Variants in LRRK1 observed in about 807,000 individuals in gnomAD.
The protein encoded by LRRK1 is leucine-rich repeat serine/threonine-protein kinase 1.
In LRRK1, 113 loss-of-function variants were observed where a neutral mutation model predicts 209.1. That is an observed-to-expected ratio of 0.54 (90% CI 0.46 to 0.63). The LOEUF (loss-of-function observed/expected upper bound fraction) is 0.63, where lower values mean the gene tolerates loss of function less well. Ranked by LOEUF, LRRK1 falls within the 30% of genes least tolerant of loss-of-function variation. The pLI is 0.00. For synonymous variants in LRRK1, 1,144 were observed against 1,099.7 expected (o/e 1.04, Z -0.80); for missense variants, 2,284 against 2,632.2 (o/e 0.87, Z 2.89).
In LRRK1 at chr15:100,956,528, C is replaced by T. The variant is rs766678184; in HGVS notation, c.98-17276C>T. On this transcript the variant is annotated intron_variant, in intron 2 of 33. Coordinates refer to ENST00000388948, the MANE Select transcript of LRRK1 (RefSeq NM_024652.6). ...GCTGGAGGGCTGGAGTGCAGTGGCACGATCTTGGCTCACTGCAGCCTCCAC... is the reference window on the plus strand; with the variant it reads ...GCTGGAGGGCTGGAGTGCAGTGGCATGATCTTGGCTCACTGCAGCCTCCAC... 1.7e-4 allele frequency among the ~76,000 whole-genome samples: 23 copies of T among 137,212 alleles called. 1 individual carries two copies. In the Middle Eastern group the frequency reaches 0.014, roughly 84 times the overall value. 90.0% of individuals were successfully genotyped at this position (137,212 alleles called of 152,430 possible).
intron 2 of LRRK1, among the ~76,000 whole-genome samples, chr15:100,960,987 C>T (rs2029901475): frequency 6.6e-6 from 1 of 152,152 alleles, no homozygotes; most frequent in Admixed American, 6.5e-5. Context: ...TCATGTTTGG[C>T]TGTTGTCTTA....
In LRRK1 at chr15:101,074,626, C is replaced by T. The variant is rs967761508; in HGVS notation, c.*5778C>T. The T allele has an allele frequency of 2.1e-4, 32 of 152,250 alleles. No homozygotes were observed. Among genetic ancestry groups the T allele is most frequent in the African/African-American group, 6.3e-4 (26 of 41,504 alleles). 9.4% of individuals were successfully genotyped at this position (152,250 alleles called of 1,614,324 possible). ...ACTCCAAAAATTAAATTCCGGCCCTCAAACCCCACAACAGGATTTAATTAA... is the reference window on the plus strand; with the variant it reads ...ACTCCAAAAATTAAATTCCGGCCCTTAAACCCCACAACAGGATTTAATTAA... On this transcript the variant is annotated 3_prime_UTR_variant, in exon 34 of 34. Coordinates refer to ENST00000388948, the MANE Select transcript of LRRK1 (RefSeq NM_024652.6).
Position 101,027,116 on chromosome 15 carries a change from A to G in LRRK1, c.2406-145A>G. On this transcript the variant is annotated intron_variant, in intron 17 of 33. Transcript: ENST00000388948. The surrounding 1 kb of genome is among the most constrained non-coding windows in gnomAD (Gnocchi z 5.1). ...CCAGCACAGTGATTTGCACAAAGCA[A>G]GGCCTCAATAAACTTCTTGTGTTGT... is the stretch of plus-strand genomic sequence containing the variant. The G allele has an allele frequency of 2.1e-6, 2 of 943,710 alleles. No individual in the cohort carries two copies. The highest frequency in any genetic ancestry group is 3.1e-6 in the Non-Finnish European group (2 of 636,776). 58.5% of individuals were successfully genotyped at this position (943,710 alleles called of 1,614,324 possible).
chr15:100,969,262 A>G (rs140199315), intron 2 of LRRK1, among the ~76,000 whole-genome samples: 7 of 152,312 alleles, frequency 4.6e-5, no homozygotes. Flanking sequence ...TAATTTGCCT[A>G]TTTAACTTTA....
chr15:100,988,818 G>A lies in LRRK1; in HGVS notation c.613+5G>A. On this transcript the variant is annotated splice_donor_5th_base_variant and intron_variant, in intron 5 of 33. Transcript: ENST00000388948. ...TGTATGCGGCCATCAAGTCAGGTGG[G>A]TTTCCCCACTACCCTGAGTCAACCC... 1.9e-6 allele frequency: 3 copies of A among 1,590,398 alleles called. No individual in the cohort carries two copies. Among genetic ancestry groups the A allele is most frequent in the Non-Finnish European group, 2.6e-6 (3 of 1,164,604 alleles).
chr15:101,051,780 C>T lies in LRRK1; in HGVS notation c.3509C>T (p.Thr1170Ile). 6.2e-7 allele frequency: 1 copy of T among 1,614,088 alleles called. No individual in the cohort carries two copies. Among genetic ancestry groups the T allele is most frequent in the South Asian group, 1.1e-5 (1 of 91,086 alleles). ...TACGTGCCCTGCCCGGTCTGCGAGA[C>T]AGCCTGGGCCCAGCACACGGACCCC... ...EQYVPCPVCETAWAQHTDPSE... is the reference protein window; with the variant it reads ...EQYVPCPVCEIAWAQHTDPSE... The change falls in exon 24 of 34, where the codon ACA becomes ATA. Residue 1170 changes from threonine to isoleucine, a missense_variant. By Grantham distance (89) the Thr-to-Ile change is moderately conservative (BLOSUM62 -1). Around this residue, in one of 6 missense-constraint regions of LRRK1, gnomAD observed 780 missense variants for 985.2 expected, o/e 0.79. Coordinates refer to ENST00000388948, the MANE Select transcript of LRRK1 (RefSeq NM_024652.6).
chr15:100,928,170 T>G (rs1265296312), intron 2 of LRRK1, among the ~76,000 whole-genome samples: 1 of 152,270 alleles, frequency 6.6e-6, no homozygotes, highest in Non-Finnish European at 1.5e-5. Flanking sequence ...TATTGTTTAT[T>G]TAAGTACTGA....
At chr15:101,014,277 T>C (rs746671821) in intron 10 of LRRK1, 39 bp from the exon 11 acceptor site, 1 of 1,416,834 alleles carries the variant, frequency 7.1e-7, no homozygotes, top group South Asian at 1.2e-5. Flanking sequence ...TTGTATCTGA[T>C]GCTATCTTAG....
chr15:100,920,835 G>A (rs1203782265), intron 1 of LRRK1, among the ~76,000 whole-genome samples: 1 of 151,964 alleles, frequency 6.6e-6, no homozygotes, highest in Non-Finnish European at 1.5e-5. Flanking sequence ...CTTGCAACTG[G>A]CACGCAATCC....
At chr15:100,960,048 A>C (rs2042844965) in intron 2 of LRRK1, among the ~76,000 whole-genome samples, 1 of 152,112 alleles carries the variant, frequency 6.6e-6, no homozygotes, top group East Asian at 1.9e-4. Context: ...TTAATATAAC[A>C]ATGTTGTTAT....
intron 20 of LRRK1, among the ~76,000 whole-genome samples, chr15:101,040,728 C>A (rs973448733): frequency 6.6e-6 from 1 of 152,020 alleles, no homozygotes; most frequent in Admixed American, 6.6e-5. Context: ...TCATTTAGTT[C>A]GAAAGATTTT....
intron 20 of LRRK1, among the ~76,000 whole-genome samples, chr15:101,034,354 C>T (rs558786925): frequency 1.8e-4 from 27 of 152,168 alleles, no homozygotes; most frequent in African/African-American, 5.8e-4. Flanking sequence ...GAAGTGCTTA[C>T]CCTGTTTTCT....
At position 101,071,445 on chromosome 15, in the gene LRRK1, A is replaced by T. The variant is rs2036802607; in HGVS notation, c.*2597A>T. Reference sequence around the variant, plus strand: ...CGCTCTGTTGCCCAGGCTGGAGTGCAATGGCGCGATCTCAGCTCACTGCCA... The same window carrying T: ...CGCTCTGTTGCCCAGGCTGGAGTGCTATGGCGCGATCTCAGCTCACTGCCA... On this transcript the variant is annotated 3_prime_UTR_variant, in exon 34 of 34. Coordinates refer to ENST00000388948, the MANE Select transcript of LRRK1 (RefSeq NM_024652.6). 6.6e-6 allele frequency: 1 copy of T among 152,306 alleles called. No individual in the cohort carries two copies. The highest frequency in any genetic ancestry group is 1.5e-5 in the Non-Finnish European group (1 of 68,172). 9.4% of individuals were successfully genotyped at this position (152,306 alleles called of 1,614,324 possible).
At chr15:100,961,791 G>A (rs1412949972) in intron 2 of LRRK1, among the ~76,000 whole-genome samples, 1 of 152,146 alleles carries the variant, frequency 6.6e-6, no homozygotes, top group Non-Finnish European at 1.5e-5. Flanking sequence ...ACCACTCAGG[G>A]CACTGGTCAC....
rs574588324 is a variant in LRRK1, at chr15:101,022,252, G to T, written c.1853-131G>T. 16 of 901,498 alleles carry T rather than the reference G, an allele frequency of 1.8e-5. No individual in the cohort carries two copies. In the African/African-American group the frequency reaches 2.5e-4, roughly 14 times the overall value. 55.8% of individuals were successfully genotyped at this position (901,498 alleles called of 1,614,324 possible). On this transcript the variant is annotated intron_variant, in intron 14 of 33. Coordinates refer to ENST00000388948, the MANE Select transcript of LRRK1 (RefSeq NM_024652.6). This position sits in a 1 kb window ranked among gnomAD's most constrained non-coding sequence, Gnocchi z 4.0. Reference sequence around the variant, plus strand: ...TTAGTGTCATGCCTTCCCTCCCCCTGATCCAGTAGTCTTCCTTAACTGTCC... The same window carrying T: ...TTAGTGTCATGCCTTCCCTCCCCCTTATCCAGTAGTCTTCCTTAACTGTCC...
chr15:101,005,962 C>A (rs924964755), intron 6 of LRRK1, among the ~76,000 whole-genome samples: 1 of 152,192 alleles, frequency 6.6e-6, no homozygotes, highest in Admixed American at 6.5e-5. Context: ...TTGATTCAGG[C>A]CAGGATCAGC....
chr15:100,976,440 G>A (rs1028453182), intron 3 of LRRK1, among the ~76,000 whole-genome samples: 6 of 152,184 alleles, frequency 3.9e-5, no homozygotes, highest in South Asian at 2.1e-4. Flanking sequence ...ATTCAACTTC[G>A]TTAATGCGTA....
rs575939418 is a variant in LRRK1 at position 101,021,123 on chromosome 15, C to T, written c.1680C>T (p.Leu560=). 3.3e-5 allele frequency: 54 copies of T among 1,614,094 alleles called. No individual in the cohort carries two copies. The South Asian group carries it at 4.7e-4, about 14-fold the overall frequency. ...LEVLCLNDNH[L]DTVPPSVCLL... Reference sequence around the variant, plus strand: ...TCCTTTGCCTGAACGACAACCACCTCGACACAGTCCCTCCCTCGGTTTGCC... The same window carrying T: ...TCCTTTGCCTGAACGACAACCACCTTGACACAGTCCCTCCCTCGGTTTGCC... The change falls in exon 13 of 34, where the codon CTC becomes CTT. Residue 560 remains leucine (L), a synonymous_variant. Coordinates refer to ENST00000388948, the MANE Select transcript of LRRK1 (RefSeq NM_024652.6).
intron 2 of LRRK1, among the ~76,000 whole-genome samples, chr15:100,950,917 C>T (rs957138367): frequency 1.3e-5 from 2 of 152,104 alleles, no homozygotes; most frequent in Non-Finnish European, 2.9e-5. Flanking sequence ...TCCTGGCTAA[C>T]ACGGTGAAAC....
Sources: gnomAD v4.1 joint callset for allele counts (sites outside exome capture counted in the v4.1 genomes callset) on GRCh38, gnomAD v4.1.1 for gene constraint, gnomAD v4.1.1 regional missense constraint, Gnocchi (gnomAD v3.1) non-coding constraint, MANE v1.5 for transcripts, NCBI Gene and HGNC (gene_info 2026-07-23, HGNC 2026-07-21) for gene names.